Variants in MYO10 observed in about 807,000 individuals in gnomAD.
The protein encoded by MYO10 is unconventional myosin-X.
In MYO10, 133 loss-of-function variants were observed where a neutral mutation model predicts 257.3. The ratio of observed to expected loss-of-function variants is 0.52; its 90% CI spans 0.45 to 0.60. The LOEUF (loss-of-function observed/expected upper bound fraction) is 0.60. Among genes scored for constraint, MYO10 ranks in the 20% least tolerant of loss-of-function variants. The pLI is 0.00. For synonymous variants in MYO10, 1,104 were observed against 1,028.6 expected, an observed-to-expected ratio of 1.07 and a Z score of -1.40; for missense variants, 2,399 against 2,635.7, an observed-to-expected ratio of 0.91 and a Z score of 1.97.
chr5:16,663,341 T>G lies in MYO10; in HGVS notation c.*3351A>C, dbSNP rs1342682828. 11 of 43,076 alleles carry G rather than the reference T, an allele frequency of 2.6e-4. No homozygotes were observed. The highest frequency in any genetic ancestry group is 5.6e-4 in the African/African-American group (9 of 16,068). 2.7% of individuals were successfully genotyped at this position (43,076 alleles called of 1,614,324 possible). A position where few individuals can be genotyped will look rare whatever the true frequency, so the allele number is the denominator to read the frequency against. ...TTACTTCTAGTTGTTTTTTTTTTTT[T>G]TTTTTTTTTTTTTTTTTTTTTTTTT... On this transcript the variant is annotated 3_prime_UTR_variant, in exon 41 of 41. Transcript: ENST00000513610.
intron 2 of MYO10, among the ~76,000 whole-genome samples, chr5:16,833,264 A>T (rs1743211601): frequency 6.7e-6 from 1 of 149,316 alleles, no homozygotes; most frequent in Admixed American, 6.7e-5. Context: ...CCCAGGCTGG[A>T]GTGCAGTGGC....
At chr5:16,848,308 G>A (rs1211171594) in intron 2 of MYO10, among the ~76,000 whole-genome samples, 1 of 151,778 alleles carries the variant, frequency 6.6e-6, no homozygotes, top group Non-Finnish European at 1.5e-5. Flanking sequence ...ACAGACATGC[G>A]CCACTACGCC....
At chr5:16,818,418 A>G (rs1742703764) in intron 2 of MYO10, among the ~76,000 whole-genome samples, 3 of 149,086 alleles carry the variant, frequency 2.0e-5, no homozygotes, top group African/African-American at 7.5e-5. Flanking sequence ...GTGTATATAT[A>G]TATATATACA....
At chr5:16,796,483 G>A (rs57116836) in intron 3 of MYO10, among the ~76,000 whole-genome samples, 12,043 of 136,648 alleles carry the variant, frequency 0.088, 936 homozygotes, top group South Asian at 0.13. Context: ...GAAAAGAAAA[G>A]AAAGAAAGAA....
At chr5:16,824,331 A>C (rs1038639475) in intron 2 of MYO10, among the ~76,000 whole-genome samples, 1 of 152,096 alleles carries the variant, frequency 6.6e-6, no homozygotes, top group African/African-American at 2.4e-5. Flanking sequence ...GACACTCGAC[A>C]ACACCTGGAA....
At chr5:16,874,685 T>G (rs1239587967) in intron 2 of MYO10, among the ~76,000 whole-genome samples, 1 of 152,192 alleles carries the variant, frequency 6.6e-6, no homozygotes, top group Non-Finnish European at 1.5e-5. Flanking sequence ...TTTCTGTCAA[T>G]GCTATTCAAC....
At chr5:16,814,978 G>GT (rs11322981) in intron 3 of MYO10, 91 of 151,754 alleles carry the variant, frequency 6.0e-4, no homozygotes, top group South Asian at 8.4e-4. Flanking sequence ...CCCTTGTGTA[G>GT]TTTTTTTTTC....
At position 16,899,997 on chromosome 5, in the gene MYO10, CAAAAAAAAAAAAA is replaced by C. The variant is rs60443560; in HGVS notation, c.22-22303_22-22291del. On this transcript the variant is annotated intron_variant, in intron 1 of 40. Coordinates refer to ENST00000513610, the MANE Select transcript of MYO10 (RefSeq NM_012334.3). ...TGGGCAACACAGCAAGATGCTGTCT[CAAAAAAAAAAAAA>C]AAAAAAAAAAAAAAGATTTAAACAG... Among the ~76,000 whole-genome samples the C allele has an allele frequency of 1.5e-4, 13 of 88,284 alleles. No individual in the cohort carries two copies. In the South Asian group the frequency reaches 1.9e-3, roughly 13 times the overall value. 57.9% of individuals were successfully genotyped at this position (88,284 alleles called of 152,430 possible). A position where few individuals can be genotyped will look rare whatever the true frequency, so the allele number is the denominator to read the frequency against.
chr5:16,796,781 A>G (rs762962485), intron 3 of MYO10, among the ~76,000 whole-genome samples: 1 of 152,186 alleles, frequency 6.6e-6, no homozygotes, highest in African/African-American at 2.4e-5. Context: ...CTTCTCCCCA[A>G]ATTCACATGC....
chr5:16,699,726 GC>G, intron 25 of MYO10, 153 bp from the exon 26 acceptor site: 1 of 806,182 alleles, frequency 1.2e-6, no homozygotes, highest in African/African-American at 1.9e-5. Context: ...GGCAGTGACT[GC>G]ACTGAGCAGA....
At chr5:16,795,260 G>T (rs550576836) in intron 3 of MYO10, among the ~76,000 whole-genome samples, 11 of 152,298 alleles carry the variant, frequency 7.2e-5, no homozygotes, top group Non-Finnish European at 1.0e-4. Flanking sequence ...GGGGGAGAAG[G>T]ACATTTACAA....
intron 1 of MYO10, among the ~76,000 whole-genome samples, chr5:16,889,716 C>T (rs571748330): frequency 1.8e-4 from 28 of 151,540 alleles, no homozygotes; most frequent in Non-Finnish European, 3.7e-4. Context: ...AACAAAACAG[C>T]TGGTTTAAGA....
chr5:16,759,375 C>T (rs1182865141), intron 17 of MYO10, among the ~76,000 whole-genome samples: 1 of 152,146 alleles, frequency 6.6e-6, no homozygotes, highest in Admixed American at 6.5e-5. Flanking sequence ...TTTCCCTGGT[C>T]GCTTCTTGCT....
intron 28 of MYO10, among the ~76,000 whole-genome samples, chr5:16,687,723 T>C (rs570417933): frequency 1.6e-4 from 24 of 152,204 alleles, no homozygotes; most frequent in African/African-American, 4.6e-4. Context: ...GAGATATGCA[T>C]ATCTCTTGTA....
chr5:16,784,362 T>C (rs1490197178), intron 4 of MYO10, among the ~76,000 whole-genome samples: 3 of 152,132 alleles, frequency 2.0e-5, no homozygotes, highest in Non-Finnish European at 4.4e-5. Flanking sequence ...AGGCCACCTG[T>C]AGGAAACGCA....
chr5:16,765,157 T>C (rs1398677790), intron 11 of MYO10, among the ~76,000 whole-genome samples: 1 of 152,188 alleles, frequency 6.6e-6, no homozygotes, highest in Non-Finnish European at 1.5e-5. Flanking sequence ...GTCAACTTGA[T>C]TGAAGGATAC....
In MYO10 at chr5:16,935,897, C is replaced by A. The variant is rs535257065; in HGVS notation, c.-89G>T. 3 of 1,530,204 alleles carry A rather than the reference C, an allele frequency of 2.0e-6. No individual in the cohort carries two copies. The highest frequency in any genetic ancestry group is 2.7e-6 in the Non-Finnish European group (3 of 1,124,696). The allele number at this position is 1,530,204 out of a possible 1,614,324, so 94.8% of individuals were successfully genotyped here. ...GGGTCCGGGGAAACCATGCGTGTCA[C>A]GGCGCCACTCCCGAGGACGCGCGCC... On this transcript the variant is annotated 5_prime_UTR_variant, in exon 1 of 41. Coordinates refer to ENST00000513610, the MANE Select transcript of MYO10 (RefSeq NM_012334.3).
intron 34 of MYO10, 61 bp downstream of exon 34, chr5:16,675,970 G>A: frequency 6.5e-7 from 1 of 1,533,854 alleles, no homozygotes; most frequent in Non-Finnish European, 8.8e-7. Flanking sequence ...TTAAGCTAAA[G>A]AGTTAGCAGG....
chr5:16,681,880 T>G lies in MYO10; in HGVS notation c.4180A>C (p.Ile1394Leu), dbSNP rs1737020235. 6.2e-7 allele frequency: 1 copy of G among 1,613,756 alleles called. No individual in the cohort carries two copies. The highest frequency in any genetic ancestry group is 1.1e-5 in the South Asian group (1 of 91,076). ...GDTRVEGQEF[I>L]VRGWLHKEVK... ...CAGGGCAGGCAGTCACCTCTCACGA[T>G]GAATTCCTGGCCCTCCACTCTGGTG... The change falls in exon 31 of 41, where the codon ATC becomes CTC. Residue 1394 changes from isoleucine to leucine, a missense_variant. Physicochemically the swap from Ile to Leu is conservative, Grantham distance 5 (BLOSUM62 2). Transcript: ENST00000513610.
Sources: allele counts gnomAD v4.1 joint callset (sites outside exome capture counted in the v4.1 genomes callset), GRCh38; gene constraint gnomAD v4.1.1; transcripts MANE v1.5; gene names NCBI Gene and HGNC (gene_info 2026-07-23, HGNC 2026-07-21).